Variants in SYNE1 observed in about 807,000 individuals in gnomAD.
SYNE1 encodes the protein spectrin repeat containing nuclear envelope protein 1, also known as nesprin-1.
Under a neutral mutation model 1,111.0 loss-of-function variants are expected in SYNE1, and 616 were observed. That is an observed-to-expected ratio of 0.55 (90% CI 0.52 to 0.59). SYNE1 has a LOEUF of 0.59. Among genes scored for constraint, SYNE1 ranks in the 20% least tolerant of loss-of-function variants. The pLI, the probability that SYNE1 is intolerant of heterozygous loss-of-function variation, is 0.00. For synonymous variants in SYNE1, 3,855 were observed against 3,825.8 expected (o/e 1.01, Z -0.28); for missense variants, 10,006 against 10,417.0 (o/e 0.96, Z 1.72).
At chr6:152,536,363 AAT>A (rs113571988) in intron 4 of SYNE1, among the ~76,000 whole-genome samples, 9,383 of 97,582 alleles carry the variant, frequency 0.096, 1,209 homozygotes, top group African/African-American at 0.27. Flanking sequence ...ATAGTATACT[AAT>A]ATATATATAG....
chr6:152,271,373 C>G (rs925346166), intron 98 of SYNE1, among the ~76,000 whole-genome samples: 2 of 152,198 alleles, frequency 1.3e-5, no homozygotes, highest in African/African-American at 2.4e-5. Flanking sequence ...CTCCCAGATT[C>G]TGAGCCCACC....
chr6:152,188,598 C>T (rs1563328948), intron 128 of SYNE1, among the ~76,000 whole-genome samples: 2 of 152,092 alleles, frequency 1.3e-5, no homozygotes, highest in Admixed American at 6.6e-5. Context: ...TAGTTTTTCA[C>T]GTTTCAAGTA....
chr6:152,410,234 G>A (rs1192629039), intron 42 of SYNE1: 1 of 154,016 alleles, frequency 6.5e-6, no homozygotes. Context: ...CCTGAAGACT[G>A]TCAAAAGGAG....
At position 152,367,562 on chromosome 6, in the gene SYNE1, A is replaced by G. The variant is rs996783061; in HGVS notation, c.9808-180T>C. On this transcript the variant is annotated intron_variant, in intron 61 of 145. Coordinates refer to ENST00000367255, the MANE Select transcript of SYNE1 (RefSeq NM_182961.4). Reference sequence around the variant, plus strand: ...TCTTTCTAAATCATAAAACTATTAGAATAACTGGGTCAAAAGCAAAAAAAA... The same window carrying G: ...TCTTTCTAAATCATAAAACTATTAGGATAACTGGGTCAAAAGCAAAAAAAA... 7 of 712,582 alleles carry G rather than the reference A, an allele frequency of 9.8e-6. No individual in the cohort carries two copies. In the African/African-American group the frequency reaches 1.3e-4, roughly 13 times the overall value. The allele number at this position is 712,582 out of a possible 1,614,324, so 44.1% of individuals were successfully genotyped here. A position where few individuals can be genotyped will look rare whatever the true frequency, so the allele number is the denominator to read the frequency against.
chr6:152,298,864 C>T (rs767936225), intron 93 of SYNE1, among the ~76,000 whole-genome samples: 17 of 152,164 alleles, frequency 1.1e-4, no homozygotes, highest in Non-Finnish European at 2.4e-4. Context: ...TCCTTTTTAA[C>T]AGCTCCCTCA....
intron 3 of SYNE1, among the ~76,000 whole-genome samples, chr6:152,547,361 G>C (rs932550780): frequency 6.6e-6 from 1 of 152,216 alleles, no homozygotes; most frequent in African/African-American, 2.4e-5. Context: ...GGCTGATTGG[G>C]CAGTGAGGGA....
chr6:152,579,526 T>A (rs557237933), intron 3 of SYNE1, among the ~76,000 whole-genome samples: 4 of 152,318 alleles, frequency 2.6e-5, no homozygotes, highest in South Asian at 4.1e-4. Flanking sequence ...TCTTTCCAAC[T>A]TTTATTTTAG....
intron 58 of SYNE1, 83 bp from the exon 59 acceptor site, chr6:152,373,302 T>C: frequency 1.6e-6 from 2 of 1,259,282 alleles, no homozygotes; most frequent in East Asian, 2.5e-5. Context: ...TTTTTTGAGA[T>C]GGAGTCTCAC....
rs59272369 is a variant in SYNE1 at position 152,184,631 on chromosome 6, TATAGATAGATAGATAG to T, written c.23302-4353_23302-4338del. 6.4e-3 allele frequency among the ~76,000 whole-genome samples: 920 copies of T among 143,026 alleles called. 10 individuals carry two copies. The highest frequency in any genetic ancestry group is 0.021 in the African/African-American group (804 of 39,218). The allele number at this position is 143,026 out of a possible 152,430, so 93.8% of individuals were successfully genotyped here. A position where few individuals can be genotyped will look rare whatever the true frequency, so the allele number is the denominator to read the frequency against. ...ACTAAGCAGCTGGATTATACACATA[TATAGATAGATAGATAG>T]ATAGATAGATAGATAGATAGATAGA... On this transcript the variant is annotated intron_variant, in intron 128 of 145. Transcript: ENST00000367255.
At chr6:152,388,250 C>T (rs968162464) in intron 53 of SYNE1, among the ~76,000 whole-genome samples, 3 of 151,380 alleles carry the variant, frequency 2.0e-5, no homozygotes, top group African/African-American at 4.9e-5. Flanking sequence ...AAGCACCCCC[C>T]GCCTTTTTTT....
Position 152,148,376 on chromosome 6 carries a change from G to A in SYNE1, c.24645C>T (p.Leu8215=). ...CTGAGAGGTCGTGCTCATCGTCTGG[G>A]AGCTAGAAGGGAAGTCAAGGCAACC... ...RYHKKLIRLP[L]PDDEHDLSDR... Residue 8215 remains leucine, a splice_region_variant and synonymous_variant, in exon 137 of 146, where the codon CTC becomes CTT. Coordinates refer to ENST00000367255, the MANE Select transcript of SYNE1 (RefSeq NM_182961.4). This position sits in a 1 kb window ranked among gnomAD's most constrained non-coding sequence, Gnocchi z 4.1. The A allele has an allele frequency of 5.6e-6, 9 of 1,613,340 alleles. No homozygotes were observed. The highest frequency in any genetic ancestry group is 7.6e-6 in the Non-Finnish European group (9 of 1,179,838).
chr6:152,254,962 C>T lies in SYNE1; in HGVS notation c.19388G>A (p.Gly6463Asp), dbSNP rs755602633. 6.2e-7 allele frequency: 1 copy of T among 1,614,016 alleles called. No homozygotes were observed. The highest frequency in any genetic ancestry group is 1.7e-5 in the Admixed American group (1 of 60,030). ...VIEDTLGCLLGRLSLLDSVVN... is the reference protein window; with the variant it reads ...VIEDTLGCLLDRLSLLDSVVN... ...TACTGAGTCTAGCAAGGATAACCTG[C>T]CCAAAAGACAACCCAAAGTATCTTC... Residue 6463 changes from glycine (G) to aspartate (D), a missense_variant, in exon 104 of 146, where the codon GGC (glycine) becomes GAC (aspartate). Physicochemically the swap from Gly to Asp is moderately conservative, Grantham distance 94. Coordinates refer to ENST00000367255, the MANE Select transcript of SYNE1 (RefSeq NM_182961.4).
intron 114 of SYNE1, among the ~76,000 whole-genome samples, 164 bp from the exon 115 acceptor site, chr6:152,230,866 C>T (rs1025064267): frequency 1.3e-5 from 2 of 151,946 alleles, no homozygotes; most frequent in African/African-American, 4.8e-5. Flanking sequence ...TTTGGCTTCC[C>T]TGGGCCACAC....
At chr6:152,602,253 A>G (rs1431712905) in intron 3 of SYNE1, among the ~76,000 whole-genome samples, 1 of 152,182 alleles carries the variant, frequency 6.6e-6, no homozygotes, top group Non-Finnish European at 1.5e-5. Flanking sequence ...TAAGCTCATT[A>G]GGGTGGGCCC....
intron 4 of SYNE1, among the ~76,000 whole-genome samples, chr6:152,536,378 A>ATATATATT (rs2099238656): frequency 1.2e-5 from 1 of 83,282 alleles, no homozygotes; most frequent in Admixed American, 1.1e-4. Flanking sequence ...ATATATAGTA[A>ATATATATT]TATATATATA....
chr6:152,479,882 A>G (rs1002520848), intron 14 of SYNE1, among the ~76,000 whole-genome samples: 1 of 152,208 alleles, frequency 6.6e-6, no homozygotes, highest in Non-Finnish European at 1.5e-5. Context: ...TCGGAAACAC[A>G]CCTTTAAAAA....
intron 72 of SYNE1, among the ~76,000 whole-genome samples, chr6:152,348,385 T>C (rs941788717): frequency 7.2e-5 from 11 of 152,132 alleles, no homozygotes; most frequent in Non-Finnish European, 1.5e-4. Context: ...ATAACTTATT[T>C]TTTAAAAATC....
At chr6:152,353,481 A>C in intron 68 of SYNE1, 48 bp from the exon 69 acceptor site, 1 of 1,612,186 alleles carries the variant, frequency 6.2e-7, no homozygotes, top group Non-Finnish European at 8.5e-7. Context: ...GGCCTGTGCC[A>C]GGGCCTTTGT....
At chr6:152,265,542 T>C (rs893988011) in intron 100 of SYNE1, among the ~76,000 whole-genome samples, 1 of 152,196 alleles carries the variant, frequency 6.6e-6, no homozygotes, top group Non-Finnish European at 1.5e-5. Flanking sequence ...TTTGTGGTAA[T>C]AGCCTATAGT....
Sources: allele counts gnomAD v4.1 joint callset (sites outside exome capture counted in the v4.1 genomes callset), GRCh38; gene constraint gnomAD v4.1.1; non-coding constraint Gnocchi (gnomAD v3.1); transcripts MANE v1.5; gene names NCBI Gene and HGNC (gene_info 2026-07-23, HGNC 2026-07-21).